The following NLGN1 variants were observed in gnomAD, a reference collection of about 807,000 sequenced individuals.
The protein encoded by NLGN1 is neuroligin-1.
A neutral mutation model predicts 65.5 loss-of-function variants in NLGN1; 12 were observed. The observed-to-expected ratio is 0.18, with a 90% CI of 0.12 to 0.30. NLGN1 has a LOEUF of 0.30. Among genes scored for constraint, NLGN1 ranks in the 10% least tolerant of loss-of-function variants. The pLI is 1.00. For synonymous variants in NLGN1, 350 were observed against 359.5 expected (o/e 0.97, Z 0.30); for missense variants, 750 against 1,007.1 (o/e 0.74, Z 3.46).
intron 4 of NLGN1, among the ~76,000 whole-genome samples, chr3:174,004,129 A>G (rs1480979455): frequency 6.6e-6 from 1 of 152,164 alleles, no homozygotes; most frequent in African/African-American, 2.4e-5. Flanking sequence ...AGCAGTGATC[A>G]CTTCCAGTGA....
At chr3:174,110,073 G>A (rs9821279) in intron 4 of NLGN1, among the ~76,000 whole-genome samples, 62 of 151,992 alleles carry the variant, frequency 4.1e-4, no homozygotes, top group African/African-American at 1.4e-3. Flanking sequence ...TTTTAGAGTG[G>A]TATACACTTG....
intron 4 of NLGN1, among the ~76,000 whole-genome samples, chr3:173,878,491 T>C (rs531968413): frequency 1.3e-5 from 2 of 152,158 alleles, no homozygotes; most frequent in South Asian, 4.1e-4. Context: ...TATAATCAAG[T>C]ATCTTTTTGA....
intron 4 of NLGN1, among the ~76,000 whole-genome samples, chr3:173,917,644 G>C (rs968939693): frequency 2.6e-5 from 4 of 152,146 alleles, no homozygotes; most frequent in African/African-American, 4.8e-5. Flanking sequence ...TAGTCCCCTA[G>C]TGATAGTTAT....
intron 4 of NLGN1, among the ~76,000 whole-genome samples, chr3:173,877,065 A>G (rs562876350): frequency 1.3e-5 from 2 of 152,302 alleles, no homozygotes; most frequent in South Asian, 4.1e-4. Context: ...AATAATAACA[A>G]AGGAACAAAT....
At chr3:173,725,244 GA>G (rs1246096044) in intron 3 of NLGN1, among the ~76,000 whole-genome samples, 2 of 152,064 alleles carry the variant, frequency 1.3e-5, no homozygotes, top group Middle Eastern at 3.4e-3. Flanking sequence ...ACATACACTG[GA>G]AAAAATATGT....
chr3:173,920,471 C>G (rs180746475), intron 4 of NLGN1: 1 of 152,248 alleles, frequency 6.6e-6, no homozygotes, highest in Admixed American at 6.5e-5. Flanking sequence ...TCAAATGTCA[C>G]AGGTGCAGAT....
intron 4 of NLGN1, among the ~76,000 whole-genome samples, chr3:174,043,831 G>A (rs886575326): frequency 7.9e-5 from 12 of 152,316 alleles, no homozygotes; most frequent in South Asian, 4.1e-4. Flanking sequence ...CAGTGGGGAC[G>A]CTGTGTGGAG....
rs145279213 is a variant in NLGN1, at chr3:173,604,867, C to T, written c.269C>T (p.Thr90Ile). ...GGGGTTCCATATGCAGCCCCACCAA[C>T]AGGGGAACGTCGTTTTCAGCCTCCA... Residue 90 changes from threonine (T) to isoleucine (I), a missense_variant, in exon 3 of 7, where the codon ACA (threonine) becomes ATA (isoleucine). Coordinates refer to ENST00000457714, the Ensembl canonical transcript of NLGN1. 1.0e-4 allele frequency: 162 copies of T among 1,613,722 alleles called. No homozygotes were observed. In the African/African-American group the frequency reaches 1.1e-3, roughly 11 times the overall value.
intron 3 of NLGN1, among the ~76,000 whole-genome samples, chr3:173,707,580 C>T (rs992268323): frequency 6.6e-6 from 1 of 152,076 alleles, no homozygotes; most frequent in African/African-American, 2.4e-5. Context: ...GAGTCTCTGT[C>T]TCCCAACGTG....
intron 4 of NLGN1, among the ~76,000 whole-genome samples, chr3:174,087,134 G>A (rs974036100): frequency 1.3e-5 from 2 of 152,124 alleles, no homozygotes; most frequent in African/African-American, 4.8e-5. Flanking sequence ...GTGGAGGTGG[G>A]AGGAGGGAGA....
chr3:173,487,493 T>C (rs1162410411), intron 2 of NLGN1, among the ~76,000 whole-genome samples: 1 of 152,008 alleles, frequency 6.6e-6, no homozygotes, highest in Non-Finnish European at 1.5e-5. Context: ...ATTATCTTTT[T>C]TTCTAAATCT....
intron 4 of NLGN1, among the ~76,000 whole-genome samples, chr3:173,897,953 GA>G (rs1280962749): frequency 1.3e-5 from 2 of 151,944 alleles, no homozygotes; most frequent in African/African-American, 4.8e-5. Flanking sequence ...GTTAACACTG[GA>G]AAAATTAAAG....
At chr3:174,185,917 C>G (rs1050124822) in intron 4 of NLGN1, among the ~76,000 whole-genome samples, 4 of 151,870 alleles carry the variant, frequency 2.6e-5, no homozygotes, top group African/African-American at 7.3e-5. Context: ...TTAATTATAT[C>G]TAAGTCTTCA....
chr3:174,016,039 A>G (rs1726488621), intron 4 of NLGN1, among the ~76,000 whole-genome samples: 1 of 152,194 alleles, frequency 6.6e-6, no homozygotes, highest in African/African-American at 2.4e-5. Context: ...TAAATAAAAT[A>G]GCAACATTTC....
At chr3:173,734,900 G>A (rs1330498557) in intron 3 of NLGN1, among the ~76,000 whole-genome samples, 1 of 152,198 alleles carries the variant, frequency 6.6e-6, no homozygotes, top group South Asian at 2.1e-4. Flanking sequence ...AGAATAAAGA[G>A]CATGGAATAA....
intron 4 of NLGN1, among the ~76,000 whole-genome samples, chr3:174,162,246 T>C (rs1021066812): frequency 2.0e-5 from 3 of 151,908 alleles, no homozygotes; most frequent in African/African-American, 7.2e-5. Context: ...TAGGTTTTTT[T>C]CTCCTTCTCT....
chr3:173,700,794 G>A (rs1180093360), intron 3 of NLGN1, among the ~76,000 whole-genome samples: 1 of 152,168 alleles, frequency 6.6e-6, no homozygotes, highest in Non-Finnish European at 1.5e-5. Context: ...GTATGTTTGA[G>A]AGAGGCTAAT....
At chr3:174,107,409 C>G (rs1433561424) in intron 4 of NLGN1, among the ~76,000 whole-genome samples, 1 of 152,030 alleles carries the variant, frequency 6.6e-6, no homozygotes, top group Admixed American at 6.6e-5. Context: ...TTATGCCCGG[C>G]ATTTTTCCCT....
At chr3:174,164,628 T>C (rs193122936) in intron 4 of NLGN1, among the ~76,000 whole-genome samples, 2 of 152,236 alleles carry the variant, frequency 1.3e-5, no homozygotes, top group Non-Finnish European at 2.9e-5. Context: ...CATTTCTTTA[T>C]TGCTTGTTTT....
Sources: gnomAD v4.1 joint callset for allele counts (sites outside exome capture counted in the v4.1 genomes callset) on GRCh38, gnomAD v4.1.1 for gene constraint, MANE v1.5 for transcripts, NCBI Gene and HGNC (gene_info 2026-07-23, HGNC 2026-07-21) for gene names.